Variants in ANXA11 observed in about 807,000 individuals in gnomAD.
ANXA11 encodes the protein annexin A11.
Under a neutral mutation model 64.7 loss-of-function variants are expected in ANXA11, and 57 were observed. That is an observed-to-expected ratio of 0.88 (90% CI 0.71 to 1.10). The LOEUF is 1.10. Ranked by LOEUF, ANXA11 falls within the 50% of genes least tolerant of loss-of-function variation. The probability of loss-of-function intolerance (pLI) is 0.00; values close to 1 mark genes in which losing one functional copy is unlikely to be tolerated. For missense variants in ANXA11, 675 were observed against 670.7 expected (o/e 1.01, Z -0.07); for synonymous variants, 260 against 265.2 (o/e 0.98, Z 0.19).
At chr10:80,193,822 A>AAT (rs1846876550) in intron 1 of ANXA11, among the ~76,000 whole-genome samples, 1 of 151,672 alleles carries the variant, frequency 6.6e-6, no homozygotes, top group African/African-American at 2.4e-5. Context: ...AAAAAAAAAA[A>AAT]AAAAAAGACA....
intron 12 of ANXA11, 48 bp downstream of exon 12, chr10:80,161,885 CCT>C (rs113463944): frequency 1.9e-5 from 28 of 1,489,126 alleles, no homozygotes; most frequent in East Asian, 2.3e-5. Context: ...CCCACAATCC[CCT>C]GACTGCCCTC....
At chr10:80,163,465 C>T (rs992343659) in intron 10 of ANXA11, 60 bp from the exon 11 acceptor site, 1 of 1,611,596 alleles carries the variant, frequency 6.2e-7, no homozygotes, top group Non-Finnish European at 8.5e-7. Context: ...TCCCTTTCCT[C>T]ATTGCGGGGA....
intron 1 of ANXA11, among the ~76,000 whole-genome samples, chr10:80,181,619 T>TA (rs1209124170): frequency 2.0e-5 from 3 of 152,102 alleles, no homozygotes; most frequent in Non-Finnish European, 4.4e-5. Context: ...CCTTACGATT[T>TA]AAAAAATAGG....
chr10:80,175,292 C>T (rs7899182), intron 2 of ANXA11, among the ~76,000 whole-genome samples: 52,759 of 151,950 alleles, frequency 0.35, 9,455 homozygotes, highest in African/African-American at 0.4. Context: ...GAAGGAACTG[C>T]CCGACAGGTG....
At chr10:80,190,063 T>A (rs1314383179) in intron 1 of ANXA11, among the ~76,000 whole-genome samples, 3 of 151,928 alleles carry the variant, frequency 2.0e-5, no homozygotes, top group Non-Finnish European at 4.4e-5. Flanking sequence ...TCCAAAGGAG[T>A]CAAATTCCTA....
At chr10:80,198,888 TATA>T (rs538586178) in intron 1 of ANXA11, among the ~76,000 whole-genome samples, 28 of 152,022 alleles carry the variant, frequency 1.8e-4, no homozygotes, top group Non-Finnish European at 2.2e-4. Context: ...TGCATGCAAG[TATA>T]ATAAGTAATA....
Position 80,169,074 on chromosome 10 carries a change from G to A in ANXA11, c.456C>T (p.Tyr152=), listed in dbSNP as rs34003188. The A allele has an allele frequency of 0.015, 23,511 of 1,537,114 alleles. 198 individuals carry two copies. The highest frequency in any genetic ancestry group is 0.017 in the Non-Finnish European group (19,515 of 1,147,776). The change falls in exon 5 of 16, where the codon TAC becomes TAT. Residue 152 remains tyrosine (Y), a synonymous_variant. Coordinates refer to ENST00000422982, the MANE Select transcript of ANXA11 (RefSeq NM_145868.2). Reference sequence around the variant, plus strand: ...GGAGTGGCACTGGAGGCTGACCAGGGTAGGTCACTGGTGGCTGCCCAGGGT... The same window carrying A: ...GGAGTGGCACTGGAGGCTGACCAGGATAGGTCACTGGTGGCTGCCCAGGGT... ...GAYPGQPPVT[Y]PGQPPVPLPG... is the part of the protein sequence containing the mutation.
At chr10:80,191,224 T>A (rs1004283290) in intron 1 of ANXA11, among the ~76,000 whole-genome samples, 14 of 151,542 alleles carry the variant, frequency 9.2e-5, no homozygotes, top group Admixed American at 6.6e-5. Context: ...AACCTCTGTC[T>A]CAAAATAAAA....
Position 80,170,785 on chromosome 10 carries a change from G to A in ANXA11, c.171+15C>T. On this transcript the variant is annotated intron_variant, in intron 4 of 15. Transcript: ENST00000422982. Reference sequence around the variant, plus strand: ...TGTGGCCCCAGGGCTGCCTCAGCAGGAGAGCTGGACTCACCATTCCCGAGA... The same window carrying A: ...TGTGGCCCCAGGGCTGCCTCAGCAGAAGAGCTGGACTCACCATTCCCGAGA... 6.9e-7 allele frequency: 1 copy of A among 1,454,934 alleles called. No individual in the cohort carries two copies. Among genetic ancestry groups the A allele is most frequent in the Non-Finnish European group, 9.1e-7 (1 of 1,102,104 alleles). The allele number at this position is 1,454,934 out of a possible 1,614,324, so 90.1% of individuals were successfully genotyped here.
At chr10:80,158,499 C>A (rs1336796667) in intron 13 of ANXA11, among the ~76,000 whole-genome samples, 2 of 152,144 alleles carry the variant, frequency 1.3e-5, no homozygotes, top group Non-Finnish European at 2.9e-5. Context: ...TTCCATCTCT[C>A]CCATCCAGAA....
chr10:80,179,162 G>T (rs1013269799), intron 1 of ANXA11, among the ~76,000 whole-genome samples: 1 of 152,136 alleles, frequency 6.6e-6, no homozygotes, highest in African/African-American at 2.4e-5. Context: ...TAGGGTTCTG[G>T]TGAGATCTGG....
chr10:80,172,995 G>T (rs1353540638), intron 2 of ANXA11, 126 bp from the exon 3 acceptor site: 7 of 781,292 alleles, frequency 9.0e-6, no homozygotes, highest in African/African-American at 1.7e-5. Flanking sequence ...TGCTGCATCT[G>T]CCCTGCTTGT....
chr10:80,159,229 G>A, intron 12 of ANXA11, 34 bp from the exon 13 acceptor site: 1 of 1,557,964 alleles, frequency 6.4e-7, no homozygotes, highest in Non-Finnish European at 8.9e-7. Context: ...ATTATGAACT[G>A]AAATGTGTCT....
chr10:80,162,008 C>T lies in ANXA11; in HGVS notation c.1107G>A (p.Glu369=). The T allele has an allele frequency of 1.2e-6, 2 of 1,611,654 alleles. No individual in the cohort carries two copies. Among genetic ancestry groups the T allele is most frequent in the South Asian group, 1.1e-5 (1 of 91,080 alleles). The change falls in exon 12 of 16, where the codon GAG becomes GAA. Residue 369 remains glutamate, a synonymous_variant. Transcript: ENST00000422982. ...RDAQELYAAG[E]NRLGTDESKF... ...TGGACTCGTCTGTTCCCAGGCGGTT[C>T]TCCCCGGCCGCATACAGCTCCTGGA... is the stretch of plus-strand genomic sequence containing the variant.
chr10:80,160,815 C>T (rs1845473567), intron 12 of ANXA11, among the ~76,000 whole-genome samples: 3 of 152,172 alleles, frequency 2.0e-5, no homozygotes, highest in Admixed American at 1.3e-4. Flanking sequence ...CTACAGGCAC[C>T]TAAAGCCAGC....
At position 80,172,808 on chromosome 10, in the gene ANXA11, T is replaced by G; in HGVS notation, c.54A>C (p.Pro18=). ...PPPGGYPPAA[P]GGGPWGGAAY... ...CCTCCCCACCCCAGACCCTCTTACC[T>G]GGTGCAGCTGGTGGGTAGCCACCTG... Residue 18 remains proline, a splice_region_variant and synonymous_variant, in exon 3 of 16, where the codon CCA becomes CCC. Coordinates refer to ENST00000422982, the MANE Select transcript of ANXA11 (RefSeq NM_145868.2). The G allele has an allele frequency of 6.2e-7, 1 of 1,613,880 alleles. No homozygotes were observed.
chr10:80,164,232 C>T, intron 8 of ANXA11, 89 bp from the exon 9 acceptor site: 2 of 1,035,646 alleles, frequency 1.9e-6, no homozygotes, highest in Admixed American at 2.0e-5. Flanking sequence ...ACGCTGCTGC[C>T]TTAATCCCAG....
chr10:80,169,750 G>A (rs946532654), intron 4 of ANXA11, among the ~76,000 whole-genome samples: 2 of 152,176 alleles, frequency 1.3e-5, no homozygotes, highest in African/African-American at 2.4e-5. Context: ...TGGCAGGCAT[G>A]TTCAGGTGAA....
At chr10:80,199,610 A>T (rs1184389732) in intron 1 of ANXA11, among the ~76,000 whole-genome samples, 2 of 152,196 alleles carry the variant, frequency 1.3e-5, no homozygotes, top group East Asian at 3.9e-4. Flanking sequence ...GTTTGAGACC[A>T]GCCTGGGCAA....
Sources: gnomAD v4.1 joint callset for allele counts (sites outside exome capture counted in the v4.1 genomes callset) on GRCh38, gnomAD v4.1.1 for gene constraint, MANE v1.5 for transcripts, NCBI Gene and HGNC (gene_info 2026-07-23, HGNC 2026-07-21) for gene names.